Variants in CELF4 observed in about 807,000 individuals in gnomAD.
CELF4 encodes CUG-BP- and ETR-3-like factor 4.
In CELF4, 18 loss-of-function variants were observed where a neutral mutation model predicts 59.9. That is an observed-to-expected ratio of 0.30 (90% CI 0.21 to 0.45). The LOEUF is 0.45. CELF4 is among the 20% of genes least tolerant of loss of function. The pLI, the probability that CELF4 is intolerant of heterozygous loss-of-function variation, is 1.00. For synonymous variants in CELF4, 261 were observed against 267.1 expected (o/e 0.98, Z 0.22); for missense variants, 456 against 689.0 (o/e 0.66, Z 3.79).
intron 1 of CELF4, among the ~76,000 whole-genome samples, chr18:37,505,193 G>T (rs1292908730): frequency 1.3e-5 from 2 of 152,070 alleles, no homozygotes; most frequent in Non-Finnish European, 2.9e-5. Flanking sequence ...TCGCATGGCT[G>T]AGGCCAGATT....
chr18:37,319,419 C>T (rs991161670), intron 3 of CELF4, among the ~76,000 whole-genome samples: 2 of 152,212 alleles, frequency 1.3e-5, no homozygotes, highest in African/African-American at 4.8e-5. Context: ...GCGTCTATGC[C>T]CTGGGGCATG....
At chr18:37,500,677 G>A (rs2099930716) in intron 1 of CELF4, among the ~76,000 whole-genome samples, 1 of 151,896 alleles carries the variant, frequency 6.6e-6, no homozygotes, top group Non-Finnish European at 1.5e-5. Flanking sequence ...GGGACTACAG[G>A]CACCTGCCAC....
At chr18:37,423,360 G>A (rs1438566794) in intron 2 of CELF4, among the ~76,000 whole-genome samples, 2 of 152,180 alleles carry the variant, frequency 1.3e-5, no homozygotes, top group African/African-American at 4.8e-5. Flanking sequence ...ACTCCTCGGG[G>A]GACTGGCTTT....
At chr18:37,380,700 C>G (rs900958587) in intron 2 of CELF4, among the ~76,000 whole-genome samples, 1 of 148,564 alleles carries the variant, frequency 6.7e-6, no homozygotes, top group East Asian at 2.1e-4. Flanking sequence ...CATCCATCAT[C>G]TAGTCTTCTA....
At chr18:37,328,689 T>C (rs1159028513) in intron 2 of CELF4, among the ~76,000 whole-genome samples, 5 of 152,190 alleles carry the variant, frequency 3.3e-5, no homozygotes, top group Non-Finnish European at 1.5e-5. Flanking sequence ...GCCCTGCTCG[T>C]CATCTATCCT....
intron 1 of CELF4, among the ~76,000 whole-genome samples, chr18:37,512,107 G>A (rs762094365): frequency 5.3e-5 from 8 of 152,176 alleles, no homozygotes; most frequent in Non-Finnish European, 7.4e-5. Flanking sequence ...GCTGTCCTTC[G>A]CTGGGCTGGG....
chr18:37,499,952 A>G (rs1404333324), intron 1 of CELF4, among the ~76,000 whole-genome samples: 3 of 152,172 alleles, frequency 2.0e-5, no homozygotes, highest in African/African-American at 7.2e-5. Flanking sequence ...GCACGAGTCA[A>G]TCATCCCGAG....
intron 1 of CELF4, among the ~76,000 whole-genome samples, chr18:37,521,579 A>G (rs963681637): frequency 6.6e-6 from 1 of 152,180 alleles, no homozygotes; most frequent in Non-Finnish European, 1.5e-5. Context: ...TTGACAACAT[A>G]CATTTTGACA....
At chr18:37,515,744 G>T (rs2099949982) in intron 1 of CELF4, among the ~76,000 whole-genome samples, 1 of 152,108 alleles carries the variant, frequency 6.6e-6, no homozygotes, top group African/African-American at 2.4e-5. Context: ...TGTGGGCATG[G>T]TGTCCTGCTT....
intron 2 of CELF4, among the ~76,000 whole-genome samples, chr18:37,322,364 G>A (rs977308855): frequency 6.6e-6 from 1 of 152,262 alleles, no homozygotes; most frequent in Non-Finnish European, 1.5e-5. Context: ...CCAGCTCGCA[G>A]AAGTGGCCTA....
chr18:37,418,064 C>T (rs927016783), intron 2 of CELF4, among the ~76,000 whole-genome samples: 4 of 152,160 alleles, frequency 2.6e-5, no homozygotes, highest in African/African-American at 4.8e-5. Flanking sequence ...TGAAAATCCA[C>T]CTATCTTTCA....
At chr18:37,501,664 T>C (rs371028545) in intron 1 of CELF4, among the ~76,000 whole-genome samples, 29 of 152,258 alleles carry the variant, frequency 1.9e-4, no homozygotes, top group African/African-American at 7.0e-4. Context: ...AAACAGGGCA[T>C]CTGGGGAACC....
chr18:37,479,319 G>A (rs1050553877), intron 2 of CELF4, among the ~76,000 whole-genome samples: 1 of 152,340 alleles, frequency 6.6e-6, no homozygotes, highest in Non-Finnish European at 1.5e-5. Flanking sequence ...CTGCCCCAGG[G>A]CCTCACTGTC....
chr18:37,492,425 C>A (rs1440097972), intron 1 of CELF4, among the ~76,000 whole-genome samples: 2 of 152,296 alleles, frequency 1.3e-5, no homozygotes. Flanking sequence ...ATAGTAGCAT[C>A]TCTGGGAGTG....
chr18:37,416,741 C>T (rs755799958), intron 2 of CELF4, among the ~76,000 whole-genome samples: 5 of 152,150 alleles, frequency 3.3e-5, no homozygotes, highest in Non-Finnish European at 7.3e-5. Context: ...GTGTCCTGGC[C>T]CTGTGAACAG....
chr18:37,248,633 A>G (rs1032078253), intron 12 of CELF4, among the ~76,000 whole-genome samples: 1 of 151,902 alleles, frequency 6.6e-6, no homozygotes, highest in South Asian at 2.1e-4. Flanking sequence ...CAAGGCCCCA[A>G]CCTTCAGCTT....
At chr18:37,272,908 A>G in intron 7 of CELF4, 108 bp downstream of exon 7, 7 of 1,120,946 alleles carry the variant, frequency 6.2e-6, no homozygotes, top group Non-Finnish European at 5.1e-6. Context: ...CCCAGACACT[A>G]TGTGCTTTTG....
chr18:37,305,107 G>A (rs2096309632), intron 3 of CELF4, among the ~76,000 whole-genome samples: 1 of 152,178 alleles, frequency 6.6e-6, no homozygotes, highest in Non-Finnish European at 1.5e-5. Flanking sequence ...GTGCAACACT[G>A]GGCTACAGTG....
At chr18:37,559,777 C>T (rs964104984) in intron 1 of CELF4, among the ~76,000 whole-genome samples, 26 of 152,118 alleles carry the variant, frequency 1.7e-4, no homozygotes, top group African/African-American at 6.0e-4. Context: ...GATATAGATG[C>T]TGTAATAATG....
Sources: gnomAD v4.1 joint callset for allele counts (sites outside exome capture counted in the v4.1 genomes callset) on GRCh38, gnomAD v4.1.1 for gene constraint, MANE v1.5 for transcripts, NCBI Gene and HGNC (gene_info 2026-07-23, HGNC 2026-07-21) for gene names.